Variants in TCF7L1 observed in about 807,000 individuals in gnomAD.
The protein encoded by TCF7L1 is transcription factor 7-like 1.
In TCF7L1, 18 loss-of-function variants were observed where a neutral mutation model predicts 63.7. The ratio of observed to expected loss-of-function variants is 0.28; its 90% CI spans 0.20 to 0.42. TCF7L1 has a LOEUF of 0.42. Ranked by LOEUF, TCF7L1 falls within the 10% of genes least tolerant of loss-of-function variation. The pLI, the probability that TCF7L1 is intolerant of heterozygous loss-of-function variation, is 1.00. For synonymous variants in TCF7L1, 355 were observed against 340.9 expected, an observed-to-expected ratio of 1.04 and a Z score of -0.46; for missense variants, 654 against 779.3, an observed-to-expected ratio of 0.84 and a Z score of 1.91.
chr2:85,199,812 T>G (rs1424176427), intron 3 of TCF7L1, among the ~76,000 whole-genome samples: 1 of 152,230 alleles, frequency 6.6e-6, no homozygotes, highest in Non-Finnish European at 1.5e-5. Flanking sequence ...ATTCATCCTC[T>G]TATTAAAGTA....
At chr2:85,137,076 C>T (rs1056548555) in intron 3 of TCF7L1, among the ~76,000 whole-genome samples, 1 of 152,162 alleles carries the variant, frequency 6.6e-6, no homozygotes, top group Non-Finnish European at 1.5e-5. Flanking sequence ...CCACTTTAGG[C>T]TTTGCTGCTC....
At chr2:85,232,363 C>G (rs1159089276) in intron 3 of TCF7L1, among the ~76,000 whole-genome samples, 1 of 152,202 alleles carries the variant, frequency 6.6e-6, no homozygotes, top group Non-Finnish European at 1.5e-5. Flanking sequence ...ATTTCCTCCT[C>G]TGAACTTCTA....
At chr2:85,230,992 C>T (rs928659525) in intron 3 of TCF7L1, among the ~76,000 whole-genome samples, 4 of 152,136 alleles carry the variant, frequency 2.6e-5, no homozygotes, top group African/African-American at 4.8e-5. Flanking sequence ...TCTTGGTCCC[C>T]TCAGGAATAA....
At chr2:85,229,375 T>A (rs1476678817) in intron 3 of TCF7L1, among the ~76,000 whole-genome samples, 1 of 148,958 alleles carries the variant, frequency 6.7e-6, no homozygotes, top group Non-Finnish European at 1.5e-5. Context: ...AGGAAGGAGA[T>A]TGGAACCTTA....
chr2:85,202,179 G>A (rs1286140374), intron 3 of TCF7L1, among the ~76,000 whole-genome samples: 2 of 151,988 alleles, frequency 1.3e-5, no homozygotes, highest in Non-Finnish European at 2.9e-5. Context: ...GGCCAGGCTG[G>A]TCTCTAATCC....
intron 3 of TCF7L1, among the ~76,000 whole-genome samples, chr2:85,150,165 T>C (rs1191501194): frequency 6.6e-6 from 1 of 152,178 alleles, no homozygotes; most frequent in Non-Finnish European, 1.5e-5. Flanking sequence ...CAACATCACA[T>C]CTTATGCTTA....
chr2:85,173,844 C>T (rs1678612873), intron 3 of TCF7L1, among the ~76,000 whole-genome samples: 2 of 151,984 alleles, frequency 1.3e-5, no homozygotes, highest in Non-Finnish European at 2.9e-5. Flanking sequence ...TTAAGCGATT[C>T]TCCTGCCTCG....
chr2:85,183,254 A>G lies in TCF7L1; in HGVS notation c.441+48804A>G, dbSNP rs572216526. 2.6e-5 allele frequency among the ~76,000 whole-genome samples: 4 copies of G among 152,306 alleles called. No individual in the cohort carries two copies. In the South Asian group the frequency reaches 8.3e-4, roughly 32 times the overall value. ...CCAAGAGTGTCACTGACTCATAGGCATACATGCCTTTCAAGAAGGCAGATC... is the reference window on the plus strand; with the variant it reads ...CCAAGAGTGTCACTGACTCATAGGCGTACATGCCTTTCAAGAAGGCAGATC... On this transcript the variant is annotated intron_variant, in intron 3 of 11. Transcript: ENST00000282111.
chr2:85,223,706 T>C (rs1679897546), intron 3 of TCF7L1, among the ~76,000 whole-genome samples: 1 of 152,230 alleles, frequency 6.6e-6, no homozygotes, highest in African/African-American at 2.4e-5. Flanking sequence ...GCATACACTT[T>C]CTAGGACTTT....
chr2:85,173,939 G>A (rs1041693559), intron 3 of TCF7L1, among the ~76,000 whole-genome samples: 1 of 152,128 alleles, frequency 6.6e-6, no homozygotes, highest in African/African-American at 2.4e-5. Context: ...GTTTCACCAT[G>A]TTGGTCAGGC....
intron 3 of TCF7L1, among the ~76,000 whole-genome samples, chr2:85,265,665 A>G (rs1196499057): frequency 2.0e-5 from 3 of 152,142 alleles, no homozygotes; most frequent in Non-Finnish European, 4.4e-5. Context: ...CCTAATGGGA[A>G]CGGTTGGGAA....
chr2:85,199,059 G>C (rs944717712), intron 3 of TCF7L1, among the ~76,000 whole-genome samples: 3 of 152,190 alleles, frequency 2.0e-5, no homozygotes, highest in Non-Finnish European at 4.4e-5. Flanking sequence ...AGTTTTCCCA[G>C]ACTGTGAGGC....
rs148464242 is a variant in TCF7L1 at position 85,247,951 on chromosome 2, C to G, written c.442-35544C>G. Among the ~76,000 whole-genome samples, 275 of 152,262 alleles carry G rather than the reference C, an allele frequency of 1.8e-3. 1 individual carries two copies. Among genetic ancestry groups the G allele is most frequent in the African/African-American group, 6.3e-3 (263 of 41,550 alleles). On this transcript the variant is annotated intron_variant, in intron 3 of 11. Transcript: ENST00000282111. ...TAAAACAGAAGCGAATCTAGGCCAG[C>G]ATGCAGTTAGTTGAGTGTAATGTAG...
At chr2:85,260,540 G>T (rs551731937) in intron 3 of TCF7L1, among the ~76,000 whole-genome samples, 2 of 151,754 alleles carry the variant, frequency 1.3e-5, no homozygotes, top group Non-Finnish European at 2.9e-5. Flanking sequence ...ACCCGGTGGG[G>T]ACTGAGGTAG....
chr2:85,305,118 C>G, intron 7 of TCF7L1, 142 bp from the exon 8 acceptor site: 1 of 1,145,374 alleles, frequency 8.7e-7, no homozygotes, highest in Non-Finnish European at 1.3e-6. Context: ...TTCTAGAAGA[C>G]GACAAATAGC....
chr2:85,140,450 G>A (rs1429197155), intron 3 of TCF7L1, among the ~76,000 whole-genome samples: 3 of 143,878 alleles, frequency 2.1e-5, no homozygotes, highest in African/African-American at 5.3e-5. Flanking sequence ...GGTAGGAGAA[G>A]CACTTAGGGA....
At chr2:85,136,621 T>G (rs1264525119) in intron 3 of TCF7L1, among the ~76,000 whole-genome samples, 1 of 152,162 alleles carries the variant, frequency 6.6e-6, no homozygotes, top group African/African-American at 2.4e-5. Context: ...TACCTACATC[T>G]TGTCTCCCTG....
chr2:85,278,887 C>G (rs1207267979), intron 3 of TCF7L1, among the ~76,000 whole-genome samples: 1 of 152,188 alleles, frequency 6.6e-6, no homozygotes, highest in Non-Finnish European at 1.5e-5. Flanking sequence ...GGTATTTAAC[C>G]CATAGAAAGC....
At chr2:85,227,163 T>C (rs1679975607) in intron 3 of TCF7L1, among the ~76,000 whole-genome samples, 1 of 152,202 alleles carries the variant, frequency 6.6e-6, no homozygotes. Flanking sequence ...ATCTACCTTG[T>C]AACAACTCTA....
Sources: gnomAD v4.1 joint callset for allele counts (sites outside exome capture counted in the v4.1 genomes callset) on GRCh38, gnomAD v4.1.1 for gene constraint, MANE v1.5 for transcripts, NCBI Gene and HGNC (gene_info 2026-07-23, HGNC 2026-07-21) for gene names.